Variants in RIPOR1 observed in about 807,000 individuals in gnomAD.
RIPOR1 encodes RHO family interacting cell polarization regulator 1.
In RIPOR1, 58 loss-of-function variants were observed where a neutral mutation model predicts 116.5. The observed-to-expected ratio is 0.50, with a 90% CI of 0.40 to 0.62. The LOEUF (loss-of-function observed/expected upper bound fraction) is 0.62, where lower values mean the gene tolerates loss of function less well. Ranked by LOEUF, RIPOR1 falls within the 20% of genes least tolerant of loss-of-function variation. RIPOR1 has a pLI of 0.00. For missense variants in RIPOR1, 1,372 were observed against 1,586.2 expected (o/e 0.86, Z 2.29); for synonymous variants, 605 against 650.0 (o/e 0.93, Z 1.05).
chr16:67,538,264 A>C (rs1567567773), intron 1 of RIPOR1, 160 bp from the exon 2 acceptor site: 1 of 891,880 alleles, frequency 1.1e-6, no homozygotes, highest in East Asian at 2.9e-5. Flanking sequence ...CTGTCCTGTC[A>C]TTAGTGCCCG....
intron 1 of RIPOR1, among the ~76,000 whole-genome samples, chr16:67,519,528 G>A (rs2050475935): frequency 1.3e-5 from 2 of 152,168 alleles, no homozygotes; most frequent in Admixed American, 6.5e-5. Flanking sequence ...GCAAGTGATA[G>A]TCTAGCCAAG....
rs1206424384 is a variant in RIPOR1 at position 67,544,723 on chromosome 16, G to T, written c.2762G>T (p.Cys921Phe). ...LKLGTFGPLR[C>F]QEAWALERLL... Reference sequence around the variant, plus strand: ...CTGGGCACATTTGGGCCCCTGCGCTGCCAGGAGGCATGGGCCCTGGAGCGG... The same window carrying T: ...CTGGGCACATTTGGGCCCCTGCGCTTCCAGGAGGCATGGGCCCTGGAGCGG... The change falls in exon 16 of 22, where the codon TGC (cysteine) becomes TTC (phenylalanine). Residue 921 changes from cysteine to phenylalanine, a missense_variant. Cys to Phe is a radical substitution (Grantham distance 205). Coordinates refer to ENST00000042381, the MANE Select transcript of RIPOR1 (RefSeq NM_024519.4). The surrounding 1 kb of genome is among the most constrained non-coding windows in gnomAD (Gnocchi z 5.1). The T allele has an allele frequency of 6.2e-7, 1 of 1,613,432 alleles. No individual in the cohort carries two copies. The highest frequency in any genetic ancestry group is 8.5e-7 in the Non-Finnish European group (1 of 1,179,936).
At chr16:67,534,276 C>T (rs1223801369) in intron 1 of RIPOR1, among the ~76,000 whole-genome samples, 1 of 151,376 alleles carries the variant, frequency 6.6e-6, no homozygotes, top group Non-Finnish European at 1.5e-5. Flanking sequence ...CATGCCACCA[C>T]ACCTGGCTAA....
Position 67,531,617 on chromosome 16 carries a change from G to A in RIPOR1, c.-24+2703G>A, listed in dbSNP as rs1218274180. Reference sequence around the variant, plus strand: ...CGATGGGGGCTGCCGGTCAGATTCTGAAGAACCTTGCAGGTATTGAGAGAG... The same window carrying A: ...CGATGGGGGCTGCCGGTCAGATTCTAAAGAACCTTGCAGGTATTGAGAGAG... On this transcript the variant is annotated intron_variant, in intron 1 of 21. Transcript: ENST00000042381. The surrounding 1 kb of genome is among the most constrained non-coding windows in gnomAD (Gnocchi z 4.2). 1 of 455,112 alleles carries A rather than the reference G, an allele frequency of 2.2e-6. No individual in the cohort carries two copies. The highest frequency in any genetic ancestry group is 2.0e-5 in the African/African-American group (1 of 50,014). 28.2% of individuals were successfully genotyped at this position (455,112 alleles called of 1,614,324 possible).
Position 67,530,134 on chromosome 16 carries a change from C to G in RIPOR1, c.-24+1220C>G, listed in dbSNP as rs1403608763. Reference sequence around the variant, plus strand: ...GGTTTGGGTGCGGGTGAGGGGAGGACTCAGGACTCTGGGCTGGGTCCCGCT... The same window carrying G: ...GGTTTGGGTGCGGGTGAGGGGAGGAGTCAGGACTCTGGGCTGGGTCCCGCT... On this transcript the variant is annotated intron_variant, in intron 1 of 21. Transcript: ENST00000042381. This position sits in a 1 kb window ranked among gnomAD's most constrained non-coding sequence, Gnocchi z 4.5. The G allele has an allele frequency of 1.9e-6, 1 of 519,180 alleles. No individual in the cohort carries two copies. Among genetic ancestry groups the G allele is most frequent in the Non-Finnish European group, 3.5e-6 (1 of 288,422 alleles). The allele number at this position is 519,180 out of a possible 1,614,324, so 32.2% of individuals were successfully genotyped here.
upstream of RIPOR1, among the ~76,000 whole-genome samples, chr16:67,527,459 GA>G (rs1379624664): frequency 4.0e-5 from 6 of 151,798 alleles, no homozygotes; most frequent in African/African-American, 7.3e-5. Context: ...GGAGAGTGGA[GA>G]ACTGTGAGGC....
Position 67,546,356 on chromosome 16 carries a change from C to G in RIPOR1, c.3563-10C>G. The G allele has an allele frequency of 6.2e-7, 1 of 1,612,934 alleles. No homozygotes were observed. Among genetic ancestry groups the G allele is most frequent in the Non-Finnish European group, 8.5e-7 (1 of 1,179,044 alleles). ...AGGGCCACCCTTGACCTCATCCTCA[C>G]TCATTACAGGAGAAGAGGGACAGTC... On this transcript the variant is annotated splice_polypyrimidine_tract_variant and intron_variant, in intron 21 of 21. Transcript: ENST00000042381.
rs2050991278 is a variant in RIPOR1, at chr16:67,541,711, G to A, written c.1009G>A (p.Val337Ile). The A allele has an allele frequency of 6.2e-7, 1 of 1,613,878 alleles. No homozygotes were observed. The highest frequency in any genetic ancestry group is 8.5e-7 in the Non-Finnish European group (1 of 1,179,962). Reference protein sequence around the residue: ...AASSVNKASTVTKRFSTYSQS... With the variant: ...AASSVNKASTITKRFSTYSQS... Reference sequence around the variant, plus strand: ...TTCTTCTGTCAACAAGGCCTCCACAGTCACCAAGCGCTTCTCCACCTATAG... The same window carrying A: ...TTCTTCTGTCAACAAGGCCTCCACAATCACCAAGCGCTTCTCCACCTATAG... Residue 337 changes from valine to isoleucine, a missense_variant, in exon 12 of 22, where the codon GTC becomes ATC. Transcript: ENST00000042381. This position sits in a 1 kb window ranked among gnomAD's most constrained non-coding sequence, Gnocchi z 4.6.
Position 67,541,423 on chromosome 16 carries a change from G to A in RIPOR1, c.802-7G>A. 1.2e-6 allele frequency: 2 copies of A among 1,612,994 alleles called. No individual in the cohort carries two copies. The highest frequency in any genetic ancestry group is 2.2e-5 in the South Asian group (2 of 90,976). On this transcript the variant is annotated splice_region_variant and splice_polypyrimidine_tract_variant and intron_variant, in intron 10 of 21. Transcript: ENST00000042381. The surrounding 1 kb of genome is among the most constrained non-coding windows in gnomAD (Gnocchi z 4.6). ...CTTGTGACCCTACCATGCACTCTTG[G>A]CTACAGGTGACAGAACTGAAGGGCC... is the stretch of plus-strand genomic sequence containing the variant.
rs551036872 is a variant in RIPOR1 at position 67,520,160 on chromosome 16, T to C, written c.-24+1547T>C. Among the ~76,000 whole-genome samples, 9 of 148,350 alleles carry C rather than the reference T, an allele frequency of 6.1e-5. No individual in the cohort carries two copies. In the East Asian group the frequency reaches 1.6e-3, roughly 26 times the overall value. On this transcript the variant is annotated intron_variant, in intron 1 of 1. Transcript: ENST00000562116. Reference sequence around the variant, plus strand: ...TGGGAGGCTGAGGTTAGCAGATCACTTGAGCTCAGGAGTTCAAGACCAGCC... The same window carrying C: ...TGGGAGGCTGAGGTTAGCAGATCACCTGAGCTCAGGAGTTCAAGACCAGCC...
intron 1 of RIPOR1, among the ~76,000 whole-genome samples, chr16:67,533,044 G>T (rs1251430880): frequency 2.0e-5 from 3 of 152,150 alleles, no homozygotes; most frequent in Non-Finnish European, 1.5e-5. Context: ...AGAGATTTAA[G>T]AGCCAGACCT....
chr16:67,525,410 T>G (rs1272027877), upstream of RIPOR1, among the ~76,000 whole-genome samples: 3 of 152,004 alleles, frequency 2.0e-5, no homozygotes, highest in Non-Finnish European at 4.4e-5. Context: ...GAATGAATGA[T>G]GTGGCCCCAG....
intron 1 of RIPOR1, among the ~76,000 whole-genome samples, chr16:67,532,851 A>G (rs1036832564): frequency 2.0e-5 from 3 of 152,194 alleles, no homozygotes; most frequent in South Asian, 2.1e-4. Context: ...AGTGGCTACA[A>G]TTTTAAGGTC....
rs2050637996 is a variant in RIPOR1, at chr16:67,530,650, G to T, written c.-24+1736G>T. 6.6e-6 allele frequency among the ~76,000 whole-genome samples: 1 copy of T among 152,194 alleles called. No individual in the cohort carries two copies. Among genetic ancestry groups the T allele is most frequent in the Non-Finnish European group, 1.5e-5 (1 of 68,018 alleles). On this transcript the variant is annotated intron_variant, in intron 1 of 21. Coordinates refer to ENST00000042381, the MANE Select transcript of RIPOR1 (RefSeq NM_024519.4). The surrounding 1 kb of genome is among the most constrained non-coding windows in gnomAD (Gnocchi z 4.5). ...GTGGTGGGATATTCCGCCGCACCCG[G>T]GTGTGCCAGTCTTGGTGTGTAGGAA...
chr16:67,535,734 A>G (rs754396453), intron 1 of RIPOR1, among the ~76,000 whole-genome samples: 7 of 152,082 alleles, frequency 4.6e-5, no homozygotes, highest in Non-Finnish European at 8.8e-5. Flanking sequence ...TGAGGGTTGC[A>G]TCAGTGTGGT....
rs917068030 is a variant in RIPOR1, at chr16:67,530,458, G to C, written c.-24+1544G>C. Among the ~76,000 whole-genome samples, 3 of 152,218 alleles carry C rather than the reference G, an allele frequency of 2.0e-5. No homozygotes were observed. Among genetic ancestry groups the C allele is most frequent in the Non-Finnish European group, 4.4e-5 (3 of 68,016 alleles). On this transcript the variant is annotated intron_variant, in intron 1 of 21. Coordinates refer to ENST00000042381, the MANE Select transcript of RIPOR1 (RefSeq NM_024519.4). This position sits in a 1 kb window ranked among gnomAD's most constrained non-coding sequence, Gnocchi z 4.5. Reference sequence around the variant, plus strand: ...TTGGGGGCAGTTGCCATGGAGACAAGGACAGGCTCAGAAGGGACCCCCTTC... The same window carrying C: ...TTGGGGGCAGTTGCCATGGAGACAACGACAGGCTCAGAAGGGACCCCCTTC...
chr16:67,534,823 TTTTC>T (rs2050750309), intron 1 of RIPOR1, among the ~76,000 whole-genome samples: 1 of 146,990 alleles, frequency 6.8e-6, no homozygotes, highest in African/African-American at 2.6e-5. Flanking sequence ...GTTTCTAGGG[TTTTC>T]TTTTTTTCTT....
upstream of RIPOR1, among the ~76,000 whole-genome samples, chr16:67,526,621 C>T (rs754054723): frequency 6.6e-6 from 1 of 152,208 alleles, no homozygotes; most frequent in Non-Finnish European, 1.5e-5. Flanking sequence ...GAGCCAGGCA[C>T]CTTGATGATA....
intron 6 of RIPOR1, 22 bp downstream of exon 6, chr16:67,539,921 A>G (rs1280374447): frequency 3.7e-6 from 6 of 1,614,032 alleles, no homozygotes; most frequent in Non-Finnish European, 5.1e-6. Flanking sequence ...GCATGTGTGC[A>G]GAGTGGGGTG....
Sources: allele counts gnomAD v4.1 joint callset (sites outside exome capture counted in the v4.1 genomes callset), GRCh38; gene constraint gnomAD v4.1.1; non-coding constraint Gnocchi (gnomAD v3.1); transcripts MANE v1.5; gene names NCBI Gene and HGNC (gene_info 2026-07-23, HGNC 2026-07-21).